The following CLVS1 variants were observed in gnomAD, a reference collection of about 807,000 sequenced individuals.
CLVS1 encodes the protein clavesin-1.
In CLVS1, 10 loss-of-function variants were observed where a neutral mutation model predicts 33.1. The observed-to-expected ratio is 0.30, with a 90% CI of 0.19 to 0.51. CLVS1 has a LOEUF of 0.51. Ranked by LOEUF, CLVS1 falls within the 20% of genes least tolerant of loss-of-function variation. The pLI is 0.97. For synonymous variants in CLVS1, 163 were observed against 166.1 expected (o/e 0.98, Z 0.14); for missense variants, 343 against 433.4 (o/e 0.79, Z 1.85).
chr8:61,156,434 T>C (rs1806651003), intron 2 of CLVS1, among the ~76,000 whole-genome samples: 1 of 152,320 alleles, frequency 6.6e-6, no homozygotes, highest in African/African-American at 2.4e-5. Flanking sequence ...CTTTTTTTTC[T>C]ATTAGTCTGT....
intron 2 of CLVS1, among the ~76,000 whole-genome samples, chr8:61,178,452 A>G (rs1312764354): frequency 6.6e-6 from 1 of 152,218 alleles, no homozygotes; most frequent in Non-Finnish European, 1.5e-5. Flanking sequence ...AACTTCCCCA[A>G]CCTAGTAAGA....
At chr8:61,226,546 C>T (rs1808333525) in intron 2 of CLVS1, among the ~76,000 whole-genome samples, 1 of 152,154 alleles carries the variant, frequency 6.6e-6, no homozygotes, top group African/African-American at 2.4e-5. Flanking sequence ...TTTGTGGAAC[C>T]TGAGTAGTGA....
intron 5 of CLVS1, among the ~76,000 whole-genome samples, chr8:61,486,253 T>C (rs895526307): frequency 6.6e-5 from 10 of 152,152 alleles, no homozygotes; most frequent in Non-Finnish European, 1.5e-4. Context: ...TTGCTTAGTT[T>C]TTTTTCTCAT....
chr8:61,111,235 T>C (rs1375744806), intron 1 of CLVS1, among the ~76,000 whole-genome samples: 1 of 152,186 alleles, frequency 6.6e-6, no homozygotes, highest in Non-Finnish European at 1.5e-5. Flanking sequence ...GTGCAAAATA[T>C]TAGAAAATTC....
chr8:61,140,851 C>A (rs2129293025), intron 2 of CLVS1, among the ~76,000 whole-genome samples: 1 of 152,260 alleles, frequency 6.6e-6, no homozygotes, highest in East Asian at 1.9e-4. Context: ...CAGGCGTGAG[C>A]CACCGTAATT....
chr8:61,166,032 T>TTTTTTTTTG (rs1491449511), intron 2 of CLVS1, among the ~76,000 whole-genome samples: 2 of 33,130 alleles, frequency 6.0e-5, no homozygotes, highest in Non-Finnish European at 1.9e-4. Context: ...CATCTAAGCG[T>TTTTTTTTTG]TTTTTTTTTT....
intron 2 of CLVS1, among the ~76,000 whole-genome samples, chr8:61,145,176 A>G (rs1201370984): frequency 6.6e-6 from 1 of 152,248 alleles, no homozygotes; most frequent in Admixed American, 6.5e-5. Context: ...CAACCTACAG[A>G]ATGAGAGAAA....
At chr8:61,277,307 G>A (rs1809577491) in intron 2 of CLVS1, among the ~76,000 whole-genome samples, 1 of 152,166 alleles carries the variant, frequency 6.6e-6, no homozygotes, top group South Asian at 2.1e-4. Context: ...CAGGATGCAA[G>A]GATCTTCTGC....
intron 2 of CLVS1, among the ~76,000 whole-genome samples, chr8:61,185,551 A>G (rs924508141): frequency 1.3e-5 from 2 of 152,198 alleles, no homozygotes; most frequent in Non-Finnish European, 2.9e-5. Flanking sequence ...GCTTGTAGCT[A>G]TATCACATTT....
chr8:61,145,253 T>C (rs1193548093), intron 2 of CLVS1, among the ~76,000 whole-genome samples: 1 of 152,100 alleles, frequency 6.6e-6, no homozygotes, highest in Admixed American at 6.5e-5. Context: ...TAAACAAATT[T>C]ACAAGAAAAA....
At chr8:61,129,726 C>G (rs1358419325) in intron 1 of CLVS1, among the ~76,000 whole-genome samples, 1 of 152,180 alleles carries the variant, frequency 6.6e-6, no homozygotes, top group Non-Finnish European at 1.5e-5. Flanking sequence ...CTAATCCCAT[C>G]AGTGAAGGCT....
the CLVS1 span, among the ~76,000 whole-genome samples, chr8:61,008,493 A>G: frequency 6.9e-6 from 1 of 145,732 alleles, no homozygotes; most frequent in African/African-American, 2.6e-5. Context: ...AAGAGCTAGG[A>G]TCTCACTATG....
At chr8:61,026,618 G>A in the CLVS1 span, among the ~76,000 whole-genome samples, 11 of 152,278 alleles carry the variant, frequency 7.2e-5, no homozygotes, top group Middle Eastern at 3.4e-3. Context: ...TGAATCCTCC[G>A]CAAACCATAA....
At chr8:61,329,915 C>A (rs1199519352) in intron 2 of CLVS1, among the ~76,000 whole-genome samples, 1 of 152,020 alleles carries the variant, frequency 6.6e-6, no homozygotes, top group East Asian at 1.9e-4. Flanking sequence ...GGACAAGGGC[C>A]CCTTGTCCTT....
intron 1 of CLVS1, among the ~76,000 whole-genome samples, chr8:61,085,237 C>A (rs1805096393): frequency 6.6e-6 from 1 of 152,114 alleles, no homozygotes; most frequent in South Asian, 2.1e-4. Flanking sequence ...AAATCCATAG[C>A]CTTGTAATAA....
intron 3 of CLVS1, among the ~76,000 whole-genome samples, chr8:61,418,226 A>C (rs1292463262): frequency 7.9e-5 from 12 of 152,158 alleles, no homozygotes; most frequent in Admixed American, 7.9e-4. Context: ...TATTAGAGTC[A>C]GGCATGTTGG....
At chr8:61,444,967 AG>A (rs1816699829) in intron 3 of CLVS1, among the ~76,000 whole-genome samples, 2 of 152,074 alleles carry the variant, frequency 1.3e-5, no homozygotes, top group Admixed American at 1.3e-4. Context: ...ATGAAAGGGG[AG>A]CTCCCAGGCT....
chr8:61,370,175 AC>A (rs1813373909), intron 2 of CLVS1, among the ~76,000 whole-genome samples: 1 of 150,162 alleles, frequency 6.7e-6, no homozygotes, highest in South Asian at 2.1e-4. Flanking sequence ...TAAAGACAGA[AC>A]TGGGCAAAGA....
rs2129607026 is a variant in CLVS1, at chr8:61,454,255, A to T, written c.741+4A>T. ...TAAAGACAAGACCAGGAAACGGGTAATGAAAACAAATGCATCATGTAAATT... is the reference window on the plus strand; with the variant it reads ...TAAAGACAAGACCAGGAAACGGGTATTGAAAACAAATGCATCATGTAAATT... On this transcript the variant is annotated splice_donor_region_variant and intron_variant, in intron 4 of 5. Coordinates refer to ENST00000325897, the MANE Select transcript of CLVS1 (RefSeq NM_173519.3). 6.3e-7 allele frequency: 1 copy of T among 1,581,970 alleles called. No homozygotes were observed. The highest frequency in any genetic ancestry group is 2.2e-5 in the East Asian group (1 of 44,734).
Sources: gnomAD v4.1 joint callset for allele counts (sites outside exome capture counted in the v4.1 genomes callset) on GRCh38, gnomAD v4.1.1 for gene constraint, MANE v1.5 for transcripts, NCBI Gene and HGNC (gene_info 2026-07-23, HGNC 2026-07-21) for gene names.